The following MIB1 variants were observed in gnomAD, a reference collection of about 807,000 sequenced individuals.
The protein encoded by MIB1 is MIB E3 ubiquitin protein ligase 1.
A neutral mutation model predicts 124.5 loss-of-function variants in MIB1; 278 were observed. That is an observed-to-expected ratio of 2.23 (90% CI 2.02 to 2.47). The LOEUF (loss-of-function observed/expected upper bound fraction) is 2.47, where lower values mean the gene tolerates loss of function less well. Among genes scored for constraint, MIB1 ranks in the 30% most tolerant of loss-of-function variants. The pLI is 0.00. For synonymous variants in MIB1, 446 were observed against 429.4 expected (o/e 1.04, Z -0.48); for missense variants, 957 against 1,254.4 (o/e 0.76, Z 3.58).
intron 1 of MIB1, among the ~76,000 whole-genome samples, chr18:21,735,153 G>A (rs1276299466): frequency 6.6e-6 from 1 of 152,210 alleles, no homozygotes; most frequent in African/African-American, 2.4e-5. Flanking sequence ...GGATGCAGAA[G>A]GCAGGTGATT....
chr18:21,746,575 A>T (rs1489591931), intron 1 of MIB1, among the ~76,000 whole-genome samples: 2 of 152,174 alleles, frequency 1.3e-5, no homozygotes, highest in Non-Finnish European at 2.9e-5. Flanking sequence ...ACTTTTTATC[A>T]TCTAGGCACT....
chr18:21,736,638 C>A (rs540598826), upstream of MIB1, among the ~76,000 whole-genome samples: 2 of 152,236 alleles, frequency 1.3e-5, no homozygotes, highest in East Asian at 3.9e-4. Flanking sequence ...AGATGAATTG[C>A]TAACTAGAAA....
At chr18:21,810,533 AG>A (rs1419349547) in intron 10 of MIB1, among the ~76,000 whole-genome samples, 1 of 152,032 alleles carries the variant, frequency 6.6e-6, no homozygotes, top group Admixed American at 6.6e-5. Context: ...TACTAACATA[AG>A]GGTGGACATA....
At chr18:21,739,883 C>G (rs986963949), upstream of MIB1, among the ~76,000 whole-genome samples, 2 of 151,810 alleles carry the variant, frequency 1.3e-5, no homozygotes, top group Non-Finnish European at 2.9e-5. Flanking sequence ...CCACTGCACT[C>G]CGGCCTGGCT....
At position 21,866,358 on chromosome 18, in the gene MIB1, T is replaced by G. The variant is rs2042321331; in HGVS notation, c.*1692T>G. On this transcript the variant is annotated 3_prime_UTR_variant, in exon 21 of 21. Transcript: ENST00000261537. ...AGTAAAATTTTTATAGATTTCAAAT[T>G]TGAAAATTCATGTACACTCAGTTAT... The G allele has an allele frequency of 6.6e-6, 1 of 152,206 alleles. No homozygotes were observed. The highest frequency in any genetic ancestry group is 1.9e-4 in the East Asian group (1 of 5,190). The allele number at this position is 152,206 out of a possible 1,614,324, so 9.4% of individuals were successfully genotyped here. A position where few individuals can be genotyped will look rare whatever the true frequency, so the allele number is the denominator to read the frequency against.
intron 1 of MIB1, among the ~76,000 whole-genome samples, chr18:21,754,502 G>A (rs75691613): frequency 0.016 from 2,440 of 152,226 alleles, 38 homozygotes; most frequent in East Asian, 0.069. Context: ...AACTGTCATG[G>A]TATTGTGGGG....
At chr18:21,774,961 T>TTTA (rs1568195981) in intron 4 of MIB1, among the ~76,000 whole-genome samples, 1,585 of 86,360 alleles carry the variant, frequency 0.018, 37 homozygotes, top group African/African-American at 0.093. Flanking sequence ...TTATTTATTT[T>TTTA]TTGAGACACA....
At position 21,798,075 on chromosome 18, in the gene MIB1, T is replaced by C. The variant is rs762889843; in HGVS notation, c.1093-9T>C. Reference sequence around the variant, plus strand: ...GACTTGGAAACATGAATCTATTTTTTTCCCCAAGACTTTAGGTAAAGTTGG... The same window carrying C: ...GACTTGGAAACATGAATCTATTTTTCTCCCCAAGACTTTAGGTAAAGTTGG... On this transcript the variant is annotated splice_polypyrimidine_tract_variant and intron_variant, in intron 7 of 20. Coordinates refer to ENST00000261537, the MANE Select transcript of MIB1 (RefSeq NM_020774.4). The C allele has an allele frequency of 2.7e-5, 43 of 1,611,914 alleles. No individual in the cohort carries two copies. In the Admixed American group the frequency reaches 3.0e-4, roughly 11 times the overall value.
At chr18:21,705,052 C>T (rs1338290994) in exon 1 of MIB1, 1 of 166,792 alleles carries the variant, frequency 6.0e-6, no homozygotes, top group Non-Finnish European at 1.3e-5. Context: ...GGCCCCGCAC[C>T]TGCAGCCCCA....
At chr18:21,861,827 G>A (rs2042279369) in intron 20 of MIB1, among the ~76,000 whole-genome samples, 1 of 152,032 alleles carries the variant, frequency 6.6e-6, no homozygotes, top group African/African-American at 2.4e-5. Context: ...TTGGAAATAA[G>A]AGTTATTCAA....
intron 10 of MIB1, among the ~76,000 whole-genome samples, chr18:21,809,150 A>G (rs1238880171): frequency 1.3e-5 from 2 of 152,146 alleles, no homozygotes; most frequent in African/African-American, 4.8e-5. Flanking sequence ...ATGCCAACAA[A>G]TTGGATAACC....
intron 15 of MIB1, 107 bp from the exon 16 acceptor site, chr18:21,846,837 A>C (rs2042138475): frequency 9.7e-7 from 1 of 1,032,980 alleles, no homozygotes; most frequent in Non-Finnish European, 1.4e-6. Flanking sequence ...AGGGAACATT[A>C]GGACTAGAAC....
chr18:21,859,455 A>G (rs2042255522), intron 20 of MIB1, among the ~76,000 whole-genome samples: 1 of 151,842 alleles, frequency 6.6e-6, no homozygotes, highest in African/African-American at 2.4e-5. Flanking sequence ...GAAGGGGCAC[A>G]AGGGAAGAAG....
In MIB1 at chr18:21,868,573, T is replaced by A. The variant is rs1233620135; in HGVS notation, c.*3907T>A. 2 of 152,398 alleles carry A rather than the reference T, an allele frequency of 1.3e-5. No homozygotes were observed. The highest frequency in any genetic ancestry group is 6.5e-5 in the Admixed American group (1 of 15,270). 9.4% of individuals were successfully genotyped at this position (152,398 alleles called of 1,614,324 possible). On this transcript the variant is annotated 3_prime_UTR_variant, in exon 21 of 21. Coordinates refer to ENST00000261537, the MANE Select transcript of MIB1 (RefSeq NM_020774.4). Reference sequence around the variant, plus strand: ...TTGTACAATTGGGAACATAATAGATTTTCATAAATTATGTGTGCCTTGTTG... The same window carrying A: ...TTGTACAATTGGGAACATAATAGATATTCATAAATTATGTGTGCCTTGTTG...
At chr18:21,734,825 A>T (rs931140107) in intron 1 of MIB1, among the ~76,000 whole-genome samples, 8 of 152,182 alleles carry the variant, frequency 5.3e-5, no homozygotes, top group Non-Finnish European at 1.2e-4. Context: ...CACCGCTCCC[A>T]GCCAGGGACT....
chr18:21,798,292 C>T, intron 8 of MIB1, 64 bp downstream of exon 8: 1 of 1,502,354 alleles, frequency 6.7e-7, no homozygotes, highest in Admixed American at 1.7e-5. Flanking sequence ...TGCTAATTCC[C>T]CAGTTCTCAT....
At chr18:21,797,717 A>G (rs189589360) in intron 7 of MIB1, among the ~76,000 whole-genome samples, 32 of 152,018 alleles carry the variant, frequency 2.1e-4, no homozygotes, top group East Asian at 7.7e-4. Context: ...TTAGAAATCC[A>G]ATTTTCTTTT....
chr18:21,816,164 ATTATT>A (rs1249510722), intron 11 of MIB1, among the ~76,000 whole-genome samples: 2 of 152,214 alleles, frequency 1.3e-5, no homozygotes, highest in African/African-American at 4.8e-5. Flanking sequence ...AACTATTTAA[ATTATT>A]TTAATTGTAG....
chr18:21,843,047 T>C (rs2042105208), intron 13 of MIB1, 84 bp from the exon 14 acceptor site: 1 of 923,434 alleles, frequency 1.1e-6, no homozygotes, highest in Non-Finnish European at 1.7e-6. Flanking sequence ...TTCGGTGTTA[T>C]TTATTCCTTA....
Sources: gnomAD v4.1 joint callset for allele counts (sites outside exome capture counted in the v4.1 genomes callset) on GRCh38, gnomAD v4.1.1 for gene constraint, MANE v1.5 for transcripts, NCBI Gene and HGNC (gene_info 2026-07-23, HGNC 2026-07-21) for gene names.